The following SIPA1L3 variants were observed in gnomAD, a reference collection of about 807,000 sequenced individuals.
SIPA1L3 encodes the protein signal induced proliferation associated 1 like 3.
Under a neutral mutation model 150.1 loss-of-function variants are expected in SIPA1L3, and 59 were observed. The ratio of observed to expected loss-of-function variants is 0.39; its 90% CI spans 0.32 to 0.49. The LOEUF (loss-of-function observed/expected upper bound fraction) is 0.49, where lower values mean the gene tolerates loss of function less well. Ranked by LOEUF, SIPA1L3 falls within the 20% of genes least tolerant of loss-of-function variation. The pLI is 0.86. For synonymous variants in SIPA1L3, 1,070 were observed against 1,077.6 expected (o/e 0.99, Z 0.14); for missense variants, 2,211 against 2,489.5 (o/e 0.89, Z 2.38).
intron 17 of SIPA1L3, among the ~76,000 whole-genome samples, chr19:38,192,850 C>A (rs1350324652): frequency 1.3e-5 from 2 of 152,170 alleles, no homozygotes; most frequent in African/African-American, 4.8e-5. Flanking sequence ...TTGGGTCCCA[C>A]CAGCCTACAG....
intron 1 of SIPA1L3, among the ~76,000 whole-genome samples, chr19:38,025,213 C>T (rs1325328007): frequency 6.6e-6 from 1 of 152,214 alleles, no homozygotes; most frequent in Non-Finnish European, 1.5e-5. Flanking sequence ...ACATTCAGGC[C>T]AGGACGCCTT....
At chr19:38,078,607 G>C (rs939858230) in intron 2 of SIPA1L3, among the ~76,000 whole-genome samples, 3 of 150,974 alleles carry the variant, frequency 2.0e-5, no homozygotes, top group East Asian at 1.9e-4. Flanking sequence ...CACACACACA[G>C]ACACATACAC....
chr19:38,175,324 G>A (rs940928511), intron 15 of SIPA1L3, among the ~76,000 whole-genome samples: 9 of 152,060 alleles, frequency 5.9e-5, no homozygotes, highest in African/African-American at 2.2e-4. Flanking sequence ...CTCGCTCCCT[G>A]AGAGCCTGTC....
At chr19:38,172,137 G>A (rs1199189951) in intron 15 of SIPA1L3, among the ~76,000 whole-genome samples, 1 of 152,180 alleles carries the variant, frequency 6.6e-6, no homozygotes, top group Admixed American at 6.5e-5. Context: ...GCCTGAGCTG[G>A]AGGACAAAGC....
chr19:38,040,046 G>T (rs1968879319), intron 2 of SIPA1L3, among the ~76,000 whole-genome samples: 1 of 152,210 alleles, frequency 6.6e-6, no homozygotes, highest in Admixed American at 6.5e-5. Flanking sequence ...CTAGGAGGTA[G>T]AGGCTGCAGT....
At chr19:38,006,934 C>A (rs974497474) in intron 1 of SIPA1L3, among the ~76,000 whole-genome samples, 11 of 152,284 alleles carry the variant, frequency 7.2e-5, no homozygotes, top group African/African-American at 2.6e-4. Flanking sequence ...AGGAATCAGT[C>A]GGGTTTGTCT....
chr19:37,919,642 C>T (rs986740723), intron 1 of SIPA1L3, among the ~76,000 whole-genome samples: 3 of 151,146 alleles, frequency 2.0e-5, no homozygotes, highest in East Asian at 3.9e-4. Flanking sequence ...TCACTCCACA[C>T]GTGGTCTCCC....
At chr19:38,026,794 C>G (rs1968521985) in intron 1 of SIPA1L3, among the ~76,000 whole-genome samples, 1 of 152,204 alleles carries the variant, frequency 6.6e-6, no homozygotes, top group South Asian at 2.1e-4. Context: ...TTTCGCTACC[C>G]TGTAACTGAA....
At chr19:37,938,617 CTTTTTTCT>C (rs1223410217) in intron 1 of SIPA1L3, among the ~76,000 whole-genome samples, 1 of 144,790 alleles carries the variant, frequency 6.9e-6, no homozygotes, top group Non-Finnish European at 1.5e-5. Flanking sequence ...TTCTTTTTTT[CTTTTTTCT>C]TTTTTTTTTT....
chr19:38,012,801 G>A (rs776886262), intron 1 of SIPA1L3, among the ~76,000 whole-genome samples: 11 of 152,114 alleles, frequency 7.2e-5, no homozygotes, highest in Non-Finnish European at 1.3e-4. Flanking sequence ...TGTTTTCCTG[G>A]GGATTGAAAG....
chr19:37,933,908 T>G lies in SIPA1L3; in HGVS notation c.-379+26550T>G, dbSNP rs567113206. On this transcript the variant is annotated intron_variant, in intron 1 of 21. Coordinates refer to ENST00000222345, the MANE Select transcript of SIPA1L3 (RefSeq NM_015073.3). ...AAGACTGTGTGGAAGATACCACCCA[T>G]ATACACACATCTCATATGTATCTCC... 9.2e-5 allele frequency among the ~76,000 whole-genome samples: 14 copies of G among 152,248 alleles called. No homozygotes were observed. The East Asian group carries it at 2.5e-3, about 27-fold the overall frequency.
intron 10 of SIPA1L3, among the ~76,000 whole-genome samples, chr19:38,135,855 T>C (rs8110434): frequency 0.076 from 11,609 of 151,958 alleles, 1,320 homozygotes; most frequent in African/African-American, 0.24. Flanking sequence ...CTCCAGCCTG[T>C]TGATGCAACC....
chr19:38,022,762 C>A (rs998084782), intron 1 of SIPA1L3, among the ~76,000 whole-genome samples: 14 of 152,082 alleles, frequency 9.2e-5, no homozygotes, highest in Admixed American at 7.9e-4. Flanking sequence ...GAAAACAGTG[C>A]CTGGCATGTA....
At chr19:38,075,001 G>A (rs1213386588) in intron 2 of SIPA1L3, among the ~76,000 whole-genome samples, 1 of 152,132 alleles carries the variant, frequency 6.6e-6, no homozygotes, top group African/African-American at 2.4e-5. Context: ...CCCAAAGTAC[G>A]GGTATTACAG....
chr19:38,162,025 G>A (rs1358719223), intron 13 of SIPA1L3, among the ~76,000 whole-genome samples: 1 of 152,250 alleles, frequency 6.6e-6, no homozygotes, highest in Non-Finnish European at 1.5e-5. Context: ...CTGGGTGACA[G>A]GGAGAGAGGG....
At position 38,119,318 on chromosome 19, in the gene SIPA1L3, C is replaced by T; in HGVS notation, c.2304C>T (p.Thr768=). 6.2e-7 allele frequency: 1 copy of T among 1,613,626 alleles called. No individual in the cohort carries two copies. The highest frequency in any genetic ancestry group is 1.1e-5 in the South Asian group (1 of 90,962). ...TCTCCCTCCACAGTATGGCTGTGAC[C>T]CGATCCAAAGACGCTCCTCCTTTCG... The part of the protein sequence containing the change: ...TDNVCYSMAV[T]RSKDAPPFGP... The change falls in exon 9 of 22, where the codon ACC becomes ACT. Residue 768 remains threonine, a synonymous_variant. Coordinates refer to ENST00000222345, the MANE Select transcript of SIPA1L3 (RefSeq NM_015073.3).
Position 38,106,558 on chromosome 19 carries a change from C to T in SIPA1L3, c.2051C>T (p.Ser684Phe). ...DVKTDSTGTH[S>F]LYTMYQDYEI... The stretch of plus-strand genomic sequence containing the variant: ...TCAGCCGACTCCACGGGAACCCACT[C>T]CCTCTACACGATGTACCAGGACTAC... Residue 684 changes from serine to phenylalanine, a missense_variant, in exon 7 of 22, where the codon TCC (serine) becomes TTC (phenylalanine). By Grantham distance (155) the Ser-to-Phe change is radical. Coordinates refer to ENST00000222345, the MANE Select transcript of SIPA1L3 (RefSeq NM_015073.3). 1 of 1,612,020 alleles carries T rather than the reference C, an allele frequency of 6.2e-7. No homozygotes were observed. The highest frequency in any genetic ancestry group is 8.5e-7 in the Non-Finnish European group (1 of 1,178,984).
intron 13 of SIPA1L3, among the ~76,000 whole-genome samples, chr19:38,157,610 G>T (rs1971979091): frequency 6.6e-6 from 1 of 152,158 alleles, no homozygotes; most frequent in Admixed American, 6.5e-5. Context: ...CAGGGTTTTA[G>T]CATGCTCTCA....
intron 10 of SIPA1L3, among the ~76,000 whole-genome samples, chr19:38,135,619 A>C (rs1262297904): frequency 6.6e-6 from 1 of 152,230 alleles, no homozygotes; most frequent in African/African-American, 2.4e-5. Context: ...AGCTTTGGGG[A>C]GACAGGGCCA....
Sources: gnomAD v4.1 joint callset for allele counts (sites outside exome capture counted in the v4.1 genomes callset) on GRCh38, gnomAD v4.1.1 for gene constraint, MANE v1.5 for transcripts, NCBI Gene and HGNC (gene_info 2026-07-23, HGNC 2026-07-21) for gene names.